The following CHRDL1 variants were observed in gnomAD, a reference collection of about 807,000 sequenced individuals.
CHRDL1 encodes the protein chordin-like protein 1.
CHRDL1 carries 19 observed loss-of-function variants against 40.9 expected under a neutral mutation model. The observed-to-expected ratio is 0.46, with a 90% CI of 0.32 to 0.68. The LOEUF is 0.68. Ranked by LOEUF, CHRDL1 falls within the 30% of genes least tolerant of loss-of-function variation. The probability of loss-of-function intolerance (pLI) is 0.03; values close to 1 mark genes in which losing one functional copy is unlikely to be tolerated. For missense variants in CHRDL1, 329 were observed against 352.1 expected, an observed-to-expected ratio of 0.93 and a Z score of 0.53; for synonymous variants, 136 against 123.4, an observed-to-expected ratio of 1.10 and a Z score of -0.68.
intron 4 of CHRDL1, among the ~76,000 whole-genome samples, chrX:110,734,982 T>A (rs1052723515): frequency 3.6e-5 from 4 of 112,003 alleles, no homozygotes; most frequent in African/African-American, 1.3e-4. Flanking sequence ...AAATTAAGAA[T>A]GAGTTCTACT....
At chrX:110,697,939 ATCAAACAAAAACT>A (rs2070433651) in intron 7 of CHRDL1, among the ~76,000 whole-genome samples, 1 of 109,297 alleles carries the variant, frequency 9.1e-6, no homozygotes, top group Non-Finnish European at 1.9e-5. Flanking sequence ...CAACTTAGAA[ATCAAACAAAAACT>A]GTTTCAGGTT....
chrX:110,733,117 G>A (rs778853447), intron 4 of CHRDL1, among the ~76,000 whole-genome samples: 12 of 112,193 alleles, frequency 1.1e-4, no homozygotes, highest in African/African-American at 3.6e-4. Flanking sequence ...TGATGGTCCA[G>A]TGTCCAGAGT....
rs2069772394 is a variant in CHRDL1 at position 110,676,150 on chromosome X, T to C, written c.*81A>G. On this transcript the variant is annotated 3_prime_UTR_variant, in exon 12 of 12. Coordinates refer to ENST00000372042, the MANE Select transcript of CHRDL1 (RefSeq NM_001143981.2). ...TTGAGTTTGGAGTTTTAGGGCACTGTTGACTTAAGCAAAATAAGCCTGCAG... is the reference window on the plus strand; with the variant it reads ...TTGAGTTTGGAGTTTTAGGGCACTGCTGACTTAAGCAAAATAAGCCTGCAG... 2 of 1,037,355 alleles carry C rather than the reference T, an allele frequency of 1.9e-6. No individual in the cohort carries two copies. The highest frequency in any genetic ancestry group is 1.3e-6 in the Non-Finnish European group (1 of 762,855). 85.5% of individuals were successfully genotyped at this position (1,037,355 alleles called of 1,213,427 possible). A position where few individuals can be genotyped will look rare whatever the true frequency, so the allele number is the denominator to read the frequency against.
At chrX:110,714,708 G>A (rs1471983298) in intron 6 of CHRDL1, among the ~76,000 whole-genome samples, 2 of 111,579 alleles carry the variant, frequency 1.8e-5, no homozygotes, top group African/African-American at 6.5e-5. Context: ...GACCCAGGAA[G>A]AAAGACACAC....
At chrX:110,685,661 C>T (rs2069995154) in intron 9 of CHRDL1, among the ~76,000 whole-genome samples, 1 of 111,751 alleles carries the variant, frequency 8.9e-6, no homozygotes, top group Admixed American at 9.5e-5. Context: ...ACATCTTTCT[C>T]TGCCATTCAA....
chrX:110,698,131 A>G (rs1295184166), intron 7 of CHRDL1, among the ~76,000 whole-genome samples: 6 of 111,200 alleles, frequency 5.4e-5, no homozygotes, highest in African/African-American at 2.0e-4. Flanking sequence ...TACGAAAAGG[A>G]CAGTCTCCTG....
At chrX:110,784,247 T>C (rs1454676603) in intron 2 of CHRDL1, among the ~76,000 whole-genome samples, 16 of 111,917 alleles carry the variant, frequency 1.4e-4, no homozygotes, top group South Asian at 3.8e-4. Context: ...CTCTGTTTCA[T>C]GTTTTCTCAG....
chrX:110,714,733 A>G (rs2070810470), intron 6 of CHRDL1, among the ~76,000 whole-genome samples: 1 of 111,573 alleles, frequency 9.0e-6, no homozygotes, highest in South Asian at 3.8e-4. Context: ...GTGTTTGGGG[A>G]CAGTGCAGAG....
chrX:110,793,582 C>A (rs1002182521), intron 1 of CHRDL1, among the ~76,000 whole-genome samples: 1 of 111,799 alleles, frequency 8.9e-6, no homozygotes, highest in Admixed American at 9.5e-5. Context: ...CACGTTTATT[C>A]GAAACAAATC....
intron 2 of CHRDL1, among the ~76,000 whole-genome samples, chrX:110,783,130 A>T (rs1195706516): frequency 7.2e-5 from 8 of 111,390 alleles, no homozygotes; most frequent in African/African-American, 2.0e-4. Flanking sequence ...AAACATTATA[A>T]TTTTTTTTTC....
intron 4 of CHRDL1, among the ~76,000 whole-genome samples, chrX:110,745,060 A>T (rs2071428052): frequency 9.0e-6 from 1 of 110,591 alleles, no homozygotes; most frequent in Admixed American, 9.6e-5. Flanking sequence ...ATACACTTAC[A>T]CTTACATCAA....
At chrX:110,693,148 GGT>G (rs1331993395) in intron 8 of CHRDL1, among the ~76,000 whole-genome samples, 1 of 108,809 alleles carries the variant, frequency 9.2e-6, no homozygotes, top group Non-Finnish European at 1.9e-5. Context: ...TCCTGCTACT[GGT>G]GTGTGTGGGG....
At chrX:110,791,800 A>G (rs2090105158) in intron 2 of CHRDL1, among the ~76,000 whole-genome samples, 2 of 112,183 alleles carry the variant, frequency 1.8e-5, no homozygotes, top group African/African-American at 6.5e-5. Context: ...CGTAAAATGT[A>G]ATGAGATTTG....
chrX:110,721,568 C>A, intron 4 of CHRDL1, 38 bp from the exon 5 acceptor site: 1 of 1,133,752 alleles, frequency 8.8e-7, no homozygotes, highest in Non-Finnish European at 1.2e-6. Context: ...TGAGTATTGG[C>A]ATCATTGACA....
chrX:110,684,517 C>T (rs1240292070), intron 9 of CHRDL1, among the ~76,000 whole-genome samples: 2 of 111,802 alleles, frequency 1.8e-5, no homozygotes, highest in African/African-American at 6.5e-5. Context: ...TTTAAAAGTG[C>T]TTCCTGCCCC....
intron 10 of CHRDL1, 77 bp from the exon 11 acceptor site, chrX:110,679,502 C>T: frequency 1.5e-6 from 1 of 656,895 alleles, no homozygotes; most frequent in Non-Finnish European, 2.5e-6. Context: ...TCTGCTCAGG[C>T]TCAGCATATC....
chrX:110,784,742 G>A lies in CHRDL1; in HGVS notation c.94+7346C>T, dbSNP rs780840123. 4.5e-5 allele frequency among the ~76,000 whole-genome samples: 5 copies of A among 111,479 alleles called. No individual in the cohort carries two copies. In the East Asian group the frequency reaches 1.4e-3, roughly 31 times the overall value. On this transcript the variant is annotated intron_variant, in intron 2 of 11. Coordinates refer to ENST00000372042, the MANE Select transcript of CHRDL1 (RefSeq NM_001143981.2). ...CTATTAGCAGGTGGGCAAACCCATC[G>A]AAAAGAAAAGGGTCCATAATTCAAA...
intron 7 of CHRDL1, among the ~76,000 whole-genome samples, chrX:110,694,683 C>G (rs1425133527): frequency 8.9e-6 from 1 of 112,211 alleles, no homozygotes; most frequent in Admixed American, 9.5e-5. Context: ...AGACAGTAGT[C>G]TGCACGCAAG....
chrX:110,732,779 G>A (rs1200159362), intron 4 of CHRDL1, among the ~76,000 whole-genome samples: 3 of 109,750 alleles, frequency 2.7e-5, no homozygotes, highest in Non-Finnish European at 5.7e-5. Flanking sequence ...GGGGTTTTTT[G>A]GGGGGCAGGG....
Sources: allele counts gnomAD v4.1 joint callset (sites outside exome capture counted in the v4.1 genomes callset), GRCh38; gene constraint gnomAD v4.1.1; transcripts MANE v1.5; gene names NCBI Gene and HGNC (gene_info 2026-07-23, HGNC 2026-07-21).